Variants in ZNF697 observed in about 807,000 individuals in gnomAD.
ZNF697 encodes zinc finger protein 697.
Under a neutral mutation model 32.4 loss-of-function variants are expected in ZNF697, and 23 were observed. The ratio of observed to expected loss-of-function variants is 0.71; its 90% CI spans 0.51 to 1.01. ZNF697 has a LOEUF of 1.01. ZNF697 is among the 50% of genes least tolerant of loss of function. The probability of loss-of-function intolerance (pLI) is 0.00; values close to 1 mark genes in which losing one functional copy is unlikely to be tolerated. For synonymous variants in ZNF697, 418 were observed against 337.2 expected, an observed-to-expected ratio of 1.24 and a Z score of -2.62; for missense variants, 930 against 794.0, an observed-to-expected ratio of 1.17 and a Z score of -2.06.
rs1008389011 is a variant in ZNF697 at position 119,620,008 on chromosome 1, T to C, written c.*2697A>G. On this transcript the variant is annotated 3_prime_UTR_variant, in exon 3 of 3. Coordinates refer to ENST00000421812, the MANE Select transcript of ZNF697 (RefSeq NM_001080470.2). ...GAAGAAATATTATTCTAAAACTAGA[T>C]AGAAGAAACAAACAACCTCCTGAAT... The C allele has an allele frequency of 1.2e-5, 1 of 81,442 alleles. No individual in the cohort carries two copies. The highest frequency in any genetic ancestry group is 3.9e-4 in the South Asian group (1 of 2,578). The allele number at this position is 81,442 out of a possible 1,614,324, so 5.0% of individuals were successfully genotyped here.
Position 119,622,746 on chromosome 1 carries a change from T to C in ZNF697, c.1597A>G (p.Lys533Glu), listed in dbSNP as rs904054641. ...TTCTGGTGCTGCGCGAGGTGCGTTTTATAGCGGAAGCCTTTGCCGCAGCCC... is the reference window on the plus strand; with the variant it reads ...TTCTGGTGCTGCGCGAGGTGCGTTTCATAGCGGAAGCCTTTGCCGCAGCCC... ...CAGCGKGFRY[K>E]THLAQHQKLH... Residue 533 changes from lysine to glutamate, a missense_variant, in exon 3 of 3, where the codon AAA becomes GAA. By Grantham distance (56) the Lys-to-Glu change is moderately conservative. Coordinates refer to ENST00000421812, the MANE Select transcript of ZNF697 (RefSeq NM_001080470.2). The C allele has an allele frequency of 6.4e-7, 1 of 1,571,982 alleles. No homozygotes were observed. Among genetic ancestry groups the C allele is most frequent in the African/African-American group, 1.4e-5 (1 of 73,966 alleles).
rs587734493 is a variant in ZNF697 at position 119,648,202 on chromosome 1, T to TTGGCTGGCTGGCTGGCTGGC, written c.-569_-550dup. 1.0e-3 allele frequency among the ~76,000 whole-genome samples: 154 copies of TTGGCTGGCTGGCTGGCTGGC among 150,402 alleles called. No homozygotes were observed. Among genetic ancestry groups the TTGGCTGGCTGGCTGGCTGGC allele is most frequent in the Middle Eastern group, 3.4e-3 (1 of 290 alleles). ...GCTGGGTGGCCCGCTGGCTGGCTGG[T>TTGGCTGGCTGGCTGGCTGGC]TGGCTGGCTGGCTGGCTGGCTGGCT... On this transcript the variant is annotated 5_prime_UTR_variant, in exon 1 of 3. Transcript: ENST00000421812.
intron 1 of ZNF697, among the ~76,000 whole-genome samples, chr1:119,640,850 TAA>T (rs1252114974): frequency 4.6e-5 from 7 of 152,230 alleles, no homozygotes; most frequent in Non-Finnish European, 8.8e-5. Flanking sequence ...CATTTAACAT[TAA>T]GAGTGGCTAT....
chr1:119,629,881 T>G (rs1257201637), intron 1 of ZNF697, among the ~76,000 whole-genome samples: 1 of 152,214 alleles, frequency 6.6e-6, no homozygotes, highest in Non-Finnish European at 1.5e-5. Context: ...GACTAGTTGC[T>G]GAAGGGAGCT....
rs1049534225 is a variant in ZNF697, at chr1:119,644,791, G to A, written c.-38+2900C>T. 1.4e-4 allele frequency among the ~76,000 whole-genome samples: 21 copies of A among 152,300 alleles called. 1 individual carries two copies. Among genetic ancestry groups the A allele is most frequent in the African/African-American group, 4.8e-4 (20 of 41,554 alleles). ...ATTGCCCAGTTCGAGATAAGTGAGG[G>A]ACTACTAAATTGTAGTGTCTTTGGG... On this transcript the variant is annotated intron_variant, in intron 1 of 2. Coordinates refer to ENST00000421812, the MANE Select transcript of ZNF697 (RefSeq NM_001080470.2).
intron 1 of ZNF697, among the ~76,000 whole-genome samples, chr1:119,646,521 A>G (rs1259527189): frequency 6.6e-6 from 1 of 152,102 alleles, no homozygotes; most frequent in Non-Finnish European, 1.5e-5. Context: ...GAAGCTAAGG[A>G]AGAAATGTTT....
At position 119,619,810 on chromosome 1, in the gene ZNF697, C is replaced by T. The variant is rs1490409378; in HGVS notation, c.*2895G>A. On this transcript the variant is annotated 3_prime_UTR_variant, in exon 3 of 3. Coordinates refer to ENST00000421812, the MANE Select transcript of ZNF697 (RefSeq NM_001080470.2). ...CAAGATTTAATCAAAACCATTTAGC[C>T]TATTTAAATTGCTCCAGGTTTTGCT... 1 of 152,600 alleles carries T rather than the reference C, an allele frequency of 6.6e-6. No homozygotes were observed. The highest frequency in any genetic ancestry group is 1.5e-5 in the Non-Finnish European group (1 of 68,036). 9.5% of individuals were successfully genotyped at this position (152,600 alleles called of 1,614,324 possible).
chr1:119,624,023 G>GTGT lies in ZNF697; in HGVS notation c.319_320insACA (p.Ser107delinsTyrThr), dbSNP rs770218358. 1 of 1,613,318 alleles carries GTGT rather than the reference G, an allele frequency of 6.2e-7. No homozygotes were observed. Among genetic ancestry groups the GTGT allele is most frequent in the South Asian group, 1.1e-5 (1 of 90,882 alleles). The stretch of plus-strand genomic sequence containing the variant: ...GCTCCGGGATATGCTGTCAGACTCA[G>GTGT]ACAGTCCTGGGAACATCGCCATGTC... On this transcript the variant is annotated protein_altering_variant, in exon 3 of 3. Transcript: ENST00000421812.
intron 1 of ZNF697, among the ~76,000 whole-genome samples, chr1:119,645,421 G>C (rs761711885): frequency 1.1e-3 from 168 of 152,222 alleles, no homozygotes; most frequent in Admixed American, 2.2e-3. Flanking sequence ...ATTACCAAGG[G>C]GTAAGATTAA....
Position 119,626,033 on chromosome 1 carries a change from T to A in ZNF697, c.68A>T (p.Asp23Val), listed in dbSNP as rs769356704. 5.0e-6 allele frequency: 8 copies of A among 1,613,976 alleles called. No homozygotes were observed. The Admixed American group carries it at 8.3e-5, about 17-fold the overall frequency. The change falls in exon 2 of 3, where the codon GAT becomes GTT. Residue 23 changes from aspartate to valine, a missense_variant. Physicochemically the swap from Asp to Val is radical, Grantham distance 152. Coordinates refer to ENST00000421812, the MANE Select transcript of ZNF697 (RefSeq NM_001080470.2). ...TTCCCTGTCCTCAGAGTCCTCAAAA[T>A]CAGAACCCATCCCTTTGTCTTCTGA... ...QDSEDKGMGS[D>V]FEDSEDREGD...
At chr1:119,628,418 G>T (rs1369257137) in intron 1 of ZNF697, among the ~76,000 whole-genome samples, 1 of 152,130 alleles carries the variant, frequency 6.6e-6, no homozygotes, top group Admixed American at 6.5e-5. Flanking sequence ...GTGGAAACAT[G>T]GTTTTTCTAG....
chr1:119,636,583 G>GGA (rs1648929639), intron 1 of ZNF697, among the ~76,000 whole-genome samples: 1 of 152,142 alleles, frequency 6.6e-6, no homozygotes, highest in African/African-American at 2.4e-5. Context: ...AAACACATAT[G>GGA]GAGAGCGAGG....
rs1202926210 is a variant in ZNF697 at position 119,623,566 on chromosome 1, C to T, written c.777G>A (p.Lys259=). Residue 259 remains lysine (K), a synonymous_variant, in exon 3 of 3, where the codon AAG becomes AAA. Coordinates refer to ENST00000421812, the MANE Select transcript of ZNF697 (RefSeq NM_001080470.2). ...TGCCGCACTCCCCGCAGCGGAAGGG[C>T]TTTTCGCGCGGGGGCCGGGCCAGCG... ...GPPLARPPRE[K]PFRCGECGKG... 2 of 1,497,470 alleles carry T rather than the reference C, an allele frequency of 1.3e-6. No individual in the cohort carries two copies. The highest frequency in any genetic ancestry group is 2.7e-5 in the East Asian group (1 of 36,434). The allele number at this position is 1,497,470 out of a possible 1,614,324, so 92.8% of individuals were successfully genotyped here.
intron 1 of ZNF697, among the ~76,000 whole-genome samples, chr1:119,632,542 C>A: frequency 6.6e-6 from 1 of 152,212 alleles, no homozygotes; most frequent in Admixed American, 6.5e-5. Flanking sequence ...AACCTACATC[C>A]CCATGGGTCA....
At chr1:119,633,356 A>ATGTGTGTGTGTGTGTGTGTGTGTG (rs58387828) in intron 1 of ZNF697, among the ~76,000 whole-genome samples, 2 of 143,258 alleles carry the variant, frequency 1.4e-5, no homozygotes, top group African/African-American at 5.0e-5. Context: ...AACCAATAGG[A>ATGTGTGTGTGTGTGTGTGTGTGTG]TGTGTGTGTG....
rs1326137357 is a variant in ZNF697, at chr1:119,648,194, C to CTGGCTGGT, written c.-549_-542dup. On this transcript the variant is annotated 5_prime_UTR_variant, in exon 1 of 3. Coordinates refer to ENST00000421812, the MANE Select transcript of ZNF697 (RefSeq NM_001080470.2). ...CAGCGGCCGCTGGGTGGCCCGCTGG[C>CTGGCTGGT]TGGCTGGTTGGCTGGCTGGCTGGCT... Among the ~76,000 whole-genome samples, 1 of 135,282 alleles carries CTGGCTGGT rather than the reference C, an allele frequency of 7.4e-6. No individual in the cohort carries two copies. Among genetic ancestry groups the CTGGCTGGT allele is most frequent in the African/African-American group, 3.1e-5 (1 of 31,754 alleles). 88.8% of individuals were successfully genotyped at this position (135,282 alleles called of 152,430 possible).
In ZNF697 at chr1:119,622,867, G is replaced by C; in HGVS notation, c.1476C>G (p.Pro492=). The C allele has an allele frequency of 3.1e-6, 5 of 1,610,376 alleles. No individual in the cohort carries two copies. The highest frequency in any genetic ancestry group is 4.2e-6 in the Non-Finnish European group (5 of 1,178,286). The stretch of plus-strand genomic sequence containing the variant: ...TCTTGCCGCACTCGATGCACGTGTA[G>C]GGCTTCTCGCCCGTGTGCGTGCGCT... The part of the protein sequence containing the change: ...QHQRTHTGEK[P]YTCIECGKSF... Residue 492 remains proline (P), a synonymous_variant, in exon 3 of 3, where the codon CCC becomes CCG. Transcript: ENST00000421812.
chr1:119,624,396 C>T (rs1339397433), intron 2 of ZNF697, among the ~76,000 whole-genome samples: 1 of 152,130 alleles, frequency 6.6e-6, no homozygotes, highest in Non-Finnish European at 1.5e-5. Context: ...CTAGCAGAGC[C>T]ATCTGAAGGC....
rs1279721182 is a variant in ZNF697 at position 119,623,512 on chromosome 1, G to T, written c.831C>A (p.Thr277=). ...CGCCCGTGTGCAGGCGCAGGTGGTT[G>T]GTCAGGTAGGTGTTGCGGCTGAAGC... ...GKGFSRNTYL[T]NHLRLHTGER... Residue 277 remains threonine (T), a synonymous_variant, in exon 3 of 3, where the codon ACC becomes ACA. Transcript: ENST00000421812. 2 of 1,568,144 alleles carry T rather than the reference G, an allele frequency of 1.3e-6. No individual in the cohort carries two copies. The highest frequency in any genetic ancestry group is 1.4e-5 in the African/African-American group (1 of 70,826).
Sources: gnomAD v4.1 joint callset for allele counts (sites outside exome capture counted in the v4.1 genomes callset) on GRCh38, gnomAD v4.1.1 for gene constraint, MANE v1.5 for transcripts, NCBI Gene and HGNC (gene_info 2026-07-23, HGNC 2026-07-21) for gene names.